The following ALDH1L1 variants were observed in gnomAD, a reference collection of about 807,000 sequenced individuals.
ALDH1L1 encodes aldehyde dehydrogenase 1 family member L1.
ALDH1L1 carries 68 observed loss-of-function variants against 101.1 expected under a neutral mutation model. That is an observed-to-expected ratio of 0.67 (90% CI 0.55 to 0.82). The LOEUF (loss-of-function observed/expected upper bound fraction) is 0.82, where lower values mean the gene tolerates loss of function less well. Ranked by LOEUF, ALDH1L1 falls within the 40% of genes least tolerant of loss-of-function variation. The probability of loss-of-function intolerance (pLI) is 0.00; values close to 1 mark genes in which losing one functional copy is unlikely to be tolerated. For missense variants in ALDH1L1, 1,087 were observed against 1,172.7 expected (o/e 0.93, Z 1.07); for synonymous variants, 486 against 470.8 (o/e 1.03, Z -0.42).
Position 126,107,143 on chromosome 3 carries a change from A to G in ALDH1L1, c.2451T>C (p.Asp817=), listed in dbSNP as rs749725303. Reference sequence around the variant, plus strand: ...GAGACATCAGCAGGATTCCCTACCCATCAGCAAACCGAGAGATGATCATGA... The same window carrying G: ...GAGACATCAGCAGGATTCCCTACCCGTCAGCAAACCGAGAGATGATCATGA... ...GPVMIISRFA[D]GDLDAVLSRA... The change falls in exon 21 of 23, where the codon GAT becomes GAC. Residue 817 remains aspartate, a splice_region_variant and synonymous_variant. Coordinates refer to ENST00000393434, the MANE Select transcript of ALDH1L1 (RefSeq NM_012190.4). 1.2e-6 allele frequency: 2 copies of G among 1,613,794 alleles called. No individual in the cohort carries two copies. Among genetic ancestry groups the G allele is most frequent in the African/African-American group, 1.3e-5 (1 of 74,936 alleles).
chr3:126,114,004 G>C (rs1946160859), intron 18 of ALDH1L1, among the ~76,000 whole-genome samples: 1 of 152,236 alleles, frequency 6.6e-6, no homozygotes, highest in Non-Finnish European at 1.5e-5. Flanking sequence ...TAAGTCAGTG[G>C]TGGAGCCAGG....
chr3:126,127,856 C>A (rs1000309958), intron 14 of ALDH1L1, among the ~76,000 whole-genome samples: 2 of 152,208 alleles, frequency 1.3e-5, no homozygotes, highest in African/African-American at 4.8e-5. Flanking sequence ...TGATGACAGG[C>A]ATGGGCACAG....
intron 17 of ALDH1L1, chr3:126,114,870 T>C: frequency 1.7e-6 from 1 of 590,102 alleles, no homozygotes; most frequent in Non-Finnish European, 3.1e-6. Context: ...TGTGCCCCAC[T>C]GCCCCCTGGA....
chr3:126,136,039 T>G (rs2080435094), intron 11 of ALDH1L1, among the ~76,000 whole-genome samples: 1 of 152,190 alleles, frequency 6.6e-6, no homozygotes, highest in Non-Finnish European at 1.5e-5. Flanking sequence ...AAGACAGCCA[T>G]GCCCCTTCTG....
At chr3:126,170,449 TTC>T (rs2081251738) in intron 1 of ALDH1L1, among the ~76,000 whole-genome samples, 2 of 143,862 alleles carry the variant, frequency 1.4e-5, no homozygotes, top group Non-Finnish European at 3.0e-5. Context: ...AAAAAGTTAC[TTC>T]TGTCTCAACC....
At chr3:126,131,862 G>C (rs574469250) in intron 12 of ALDH1L1, among the ~76,000 whole-genome samples, 1 of 152,250 alleles carries the variant, frequency 6.6e-6, no homozygotes, top group Non-Finnish European at 1.5e-5. Flanking sequence ...AGACAGCAAA[G>C]GGGTCATGGC....
At chr3:126,189,507 C>T (rs2081540089) in intron 1 of ALDH1L1, among the ~76,000 whole-genome samples, 1 of 152,108 alleles carries the variant, frequency 6.6e-6, no homozygotes, top group Non-Finnish European at 1.5e-5. Flanking sequence ...AGGTTCAAGG[C>T]CCCAAAGCTT....
rs185209246 is a variant in ALDH1L1 at position 126,142,705 on chromosome 3, G to T, written c.1076+4130C>A. On this transcript the variant is annotated intron_variant, in intron 9 of 22. Transcript: ENST00000393434. ...AGGGAACATCCTTTATATAATAAAG[G>T]CCATATTTGAAAAATCCACAGCTAA... Among the ~76,000 whole-genome samples the T allele has an allele frequency of 3.3e-5, 5 of 152,222 alleles. No individual in the cohort carries two copies. In the East Asian group the frequency reaches 7.7e-4, roughly 24 times the overall value.
chr3:126,132,025 C>T (rs998980062), intron 12 of ALDH1L1, among the ~76,000 whole-genome samples: 21 of 152,258 alleles, frequency 1.4e-4, no homozygotes, highest in African/African-American at 4.3e-4. Context: ...GCCCCATCCC[C>T]ATCACAGAAG....
chr3:126,105,674 A>T (rs1945842208), intron 22 of ALDH1L1, 52 bp downstream of exon 22: 2 of 1,602,276 alleles, frequency 1.2e-6, no homozygotes, highest in Admixed American at 1.7e-5. Context: ...TTTTGAACAG[A>T]TGTTTGTTGA....
intron 9 of ALDH1L1, among the ~76,000 whole-genome samples, chr3:126,142,118 AAC>A (rs1465477358): frequency 1.3e-5 from 2 of 149,428 alleles, no homozygotes; most frequent in African/African-American, 5.0e-5. Flanking sequence ...AATTCCCAGA[AAC>A]ACACAATCTA....
rs760711067 is a variant in ALDH1L1 at position 126,136,824 on chromosome 3, C to T, written c.1284G>A (p.Gly428=). The change falls in exon 11 of 23, where the codon GGG becomes GGA. Residue 428 remains glycine, a synonymous_variant. Coordinates refer to ENST00000393434, the MANE Select transcript of ALDH1L1 (RefSeq NM_012190.4). ...TGGCGCCCTCGGCATCCACGAACTC[C>T]CCCCCAATGAAGAGCTGGTGGGGCA... ...VRMPHQLFIG[G]EFVDAEGAKT... 6 of 1,609,300 alleles carry T rather than the reference C, an allele frequency of 3.7e-6. No homozygotes were observed. The highest frequency in any genetic ancestry group is 5.1e-6 in the Non-Finnish European group (6 of 1,177,996).
chr3:126,188,817 A>C (rs185309319), intron 1 of ALDH1L1, among the ~76,000 whole-genome samples: 11 of 152,336 alleles, frequency 7.2e-5, no homozygotes, highest in African/African-American at 2.6e-4. Flanking sequence ...TATTGGGAGC[A>C]TGATACCAAG....
chr3:126,131,495 G>C lies in ALDH1L1; in HGVS notation c.1512C>G (p.Ala504=), dbSNP rs2080304525. 1.2e-6 allele frequency: 2 copies of C among 1,612,978 alleles called. No individual in the cohort carries two copies. Among genetic ancestry groups the C allele is most frequent in the East Asian group, 4.5e-5 (2 of 44,854 alleles). Residue 504 remains alanine (A), a synonymous_variant, in exon 13 of 23, where the codon GCC becomes GCG. Coordinates refer to ENST00000393434, the MANE Select transcript of ALDH1L1 (RefSeq NM_012190.4). Reference sequence around the variant, plus strand: ...CACCCGCATCCAGGGCCTCAATGGTGGCCAGCTCCTCCTGGTGCTGCTCCA... The same window carrying C: ...CACCCGCATCCAGGGCCTCAATGGTCGCCAGCTCCTCCTGGTGCTGCTCCA... ...DLMEQHQEEL[A]TIEALDAGAV... is the part of the protein sequence containing the mutation.
chr3:126,125,852 G>T, intron 14 of ALDH1L1, 131 bp from the exon 15 acceptor site: 1 of 588,330 alleles, frequency 1.7e-6, no homozygotes, highest in South Asian at 3.4e-5. Flanking sequence ...AGGCACCCAA[G>T]GTCCCTCTGA....
intron 12 of ALDH1L1, chr3:126,135,304 A>G: frequency 6.7e-6 from 3 of 446,968 alleles, no homozygotes; most frequent in Non-Finnish European, 1.1e-5. Flanking sequence ...ACCTCCCCTG[A>G]GCCCACTCTG....
chr3:126,125,622 A>C lies in ALDH1L1; in HGVS notation c.1794T>G (p.Pro598=). 6.3e-7 allele frequency: 1 copy of C among 1,575,268 alleles called. No homozygotes were observed. Among genetic ancestry groups the C allele is most frequent in the Non-Finnish European group, 8.6e-7 (1 of 1,158,544 alleles). Residue 598 remains proline (P), a synonymous_variant, in exon 15 of 23, where the codon CCT becomes CCG. Transcript: ENST00000393434. ...AGAGTGAACCCACGCTCACCTGAGCAGGCTTGATCACCACTGTGTTCCCGG... is the reference window on the plus strand; with the variant it reads ...AGAGTGAACCCACGCTCACCTGAGCCGGCTTGATCACCACTGTGTTCCCGG... ...LAAGNTVVIK[P]AQVTPLTALK... is the part of the protein sequence containing the mutation.
intron 12 of ALDH1L1, among the ~76,000 whole-genome samples, chr3:126,131,840 C>T (rs575312609): frequency 7.2e-5 from 11 of 152,258 alleles, no homozygotes; most frequent in African/African-American, 2.7e-4. Context: ...GAGGCATTCA[C>T]CCACTTGCTG....
At chr3:126,115,678 G>A (rs570585412) in intron 17 of ALDH1L1, among the ~76,000 whole-genome samples, 18 of 152,014 alleles carry the variant, frequency 1.2e-4, no homozygotes, top group Non-Finnish European at 2.6e-4. Flanking sequence ...GGGTTCAAGC[G>A]ATTCTTCTAC....
Sources: gnomAD v4.1 joint callset for allele counts (sites outside exome capture counted in the v4.1 genomes callset) on GRCh38, gnomAD v4.1.1 for gene constraint, MANE v1.5 for transcripts, NCBI Gene and HGNC (gene_info 2026-07-23, HGNC 2026-07-21) for gene names.